PVT1: variants seen among roughly 807,000 people sequenced by gnomAD.
PVT1 encodes the protein CXCR4/PVT1 fusion.
At chr8:128,007,427 T>TAA (rs143993861) in intron 4 of PVT1, among the ~76,000 whole-genome samples, 13 of 143,854 alleles carry the variant, frequency 9.0e-5, no homozygotes, top group South Asian at 2.2e-4. Flanking sequence ...AAATAAAAAC[T>TAA]AAAAAAAAAA....
intron 4 of PVT1, among the ~76,000 whole-genome samples, chr8:128,017,686 C>T (rs1388530573): frequency 2.0e-5 from 3 of 152,034 alleles, no homozygotes; most frequent in African/African-American, 7.2e-5. Flanking sequence ...ATCCTCCTGC[C>T]TCGGCCTCCC....
At chr8:128,084,868 T>C (rs1814237322) in intron 5 of PVT1, among the ~76,000 whole-genome samples, 1 of 152,180 alleles carries the variant, frequency 6.6e-6, no homozygotes, top group African/African-American at 2.4e-5. Flanking sequence ...CTTGCATTGG[T>C]TTAAAAATCC....
intron 5 of PVT1, among the ~76,000 whole-genome samples, chr8:128,078,710 T>C (rs1563681904): frequency 6.6e-6 from 1 of 152,208 alleles, no homozygotes; most frequent in Non-Finnish European, 1.5e-5. Context: ...AAAAAATGAA[T>C]AAAATAGTTA....
At chr8:127,844,956 A>T (rs906193236) in intron 2 of PVT1, among the ~76,000 whole-genome samples, 4 of 151,952 alleles carry the variant, frequency 2.6e-5, no homozygotes, top group African/African-American at 7.3e-5. Flanking sequence ...CTCGTGATCC[A>T]CCTGCCTCGG....
At chr8:127,874,846 T>G (rs1815387664) in intron 2 of PVT1, among the ~76,000 whole-genome samples, 1 of 152,074 alleles carries the variant, frequency 6.6e-6, no homozygotes, top group African/African-American at 2.4e-5. Context: ...TACTGATCTT[T>G]GAGTTTTGGC....
chr8:127,842,763 C>G (rs758370527), intron 2 of PVT1, among the ~76,000 whole-genome samples: 10 of 152,134 alleles, frequency 6.6e-5, no homozygotes, highest in Non-Finnish European at 1.5e-4. Context: ...CATCCCTGAG[C>G]CAATTAATCA....
At chr8:127,933,529 C>T (rs983758733) in intron 3 of PVT1, among the ~76,000 whole-genome samples, 13 of 152,166 alleles carry the variant, frequency 8.5e-5, no homozygotes, top group African/African-American at 2.9e-4. Flanking sequence ...TGCACACCAT[C>T]GTAAAGTGGA....
rs771464077 is a variant in PVT1 at position 127,988,026 on chromosome 8, T to C, written n.783-1136T>C. On this transcript the variant is annotated intron_variant and non_coding_transcript_variant, in intron 3 of 10. Transcript: ENST00000651587. Reference sequence around the variant, plus strand: ...GGGAGGAGGCGAGGACTCTGAGGCTTGCAGAACCACTGCAGATCTGTCCGT... The same window carrying C: ...GGGAGGAGGCGAGGACTCTGAGGCTCGCAGAACCACTGCAGATCTGTCCGT... 4.9e-4 allele frequency among the ~76,000 whole-genome samples: 75 copies of C among 152,330 alleles called. No individual in the cohort carries two copies. The Middle Eastern group carries it at 0.01, about 21-fold the overall frequency.
intron 2 of PVT1, among the ~76,000 whole-genome samples, chr8:127,810,171 G>A (rs1285200654): frequency 6.6e-6 from 1 of 152,232 alleles, no homozygotes; most frequent in African/African-American, 2.4e-5. Context: ...CTAAGTTCCT[G>A]GCTGGTCTGA....
intron 4 of PVT1, among the ~76,000 whole-genome samples, chr8:127,995,515 A>G (rs1278187162): frequency 6.6e-6 from 1 of 152,174 alleles, no homozygotes; most frequent in African/African-American, 2.4e-5. Flanking sequence ...TGTGCATTAT[A>G]TCAGTCCGTC....
intron 2 of PVT1, among the ~76,000 whole-genome samples, chr8:127,800,578 A>T (rs896285603): frequency 6.6e-6 from 1 of 152,166 alleles, no homozygotes; most frequent in African/African-American, 2.4e-5. Flanking sequence ...CCTCCCTCAT[A>T]AAATGGCAGC....
chr8:128,079,030 GTTATC>G (rs1814136312), intron 5 of PVT1, among the ~76,000 whole-genome samples: 1 of 111,064 alleles, frequency 9.0e-6, no homozygotes, highest in East Asian at 2.6e-4. Context: ...TTACATAGTT[GTTATC>G]TTAAGGTGAT....
intron 5 of PVT1, among the ~76,000 whole-genome samples, chr8:128,075,078 G>T (rs551861274): frequency 1.3e-5 from 2 of 152,252 alleles, no homozygotes; most frequent in Non-Finnish European, 2.9e-5. Context: ...AGAGATCATG[G>T]ATATTACTTT....
intron 2 of PVT1, among the ~76,000 whole-genome samples, chr8:127,860,404 C>T (rs905566184): frequency 1.2e-4 from 19 of 152,236 alleles, no homozygotes; most frequent in Non-Finnish European, 2.2e-4. Flanking sequence ...CTCGGAGCTT[C>T]GGAGCTCAGG....
chr8:127,801,868 G>T (rs1210608473), intron 2 of PVT1, among the ~76,000 whole-genome samples: 1 of 151,534 alleles, frequency 6.6e-6, no homozygotes, highest in Non-Finnish European at 1.5e-5. Flanking sequence ...CAGAGACTTA[G>T]TGAGAAGAGT....
intron 2 of PVT1, among the ~76,000 whole-genome samples, chr8:127,871,226 G>A (rs569576645): frequency 6.6e-6 from 1 of 152,312 alleles, no homozygotes; most frequent in African/African-American, 2.4e-5. Flanking sequence ...GGGACACTGC[G>A]TATAAGTGAC....
intron 4 of PVT1, among the ~76,000 whole-genome samples, chr8:128,051,068 G>A (rs559035079): frequency 1.3e-5 from 2 of 152,194 alleles, no homozygotes; most frequent in Non-Finnish European, 2.9e-5. Flanking sequence ...TTTATGGGAC[G>A]ATTGAGTATT....
At chr8:127,904,878 A>G (rs1245857355) in intron 3 of PVT1, among the ~76,000 whole-genome samples, 5 of 152,122 alleles carry the variant, frequency 3.3e-5, no homozygotes, top group Admixed American at 3.3e-4. Flanking sequence ...AGAGCTTTAA[A>G]CCAAGCTCGG....
chr8:128,059,351 G>A (rs749739813), intron 4 of PVT1, among the ~76,000 whole-genome samples: 3 of 152,142 alleles, frequency 2.0e-5, no homozygotes, highest in Admixed American at 6.5e-5. Flanking sequence ...CACTGTTTAC[G>A]TGTCCACCAG....
Sources: gnomAD v4.1 joint callset for allele counts (sites outside exome capture counted in the v4.1 genomes callset) on GRCh38, gnomAD v4.1.1 for gene constraint, MANE v1.5 for transcripts, NCBI Gene and HGNC (gene_info 2026-07-23, HGNC 2026-07-21) for gene names.